SCN9A: variants seen among roughly 807,000 people sequenced by gnomAD.
SCN9A encodes the protein sodium channel protein type 9 subunit alpha.
A neutral mutation model predicts 187.0 loss-of-function variants in SCN9A; 131 were observed. That is an observed-to-expected ratio of 0.70 (90% CI 0.61 to 0.81). The LOEUF is 0.81. Among genes scored for constraint, SCN9A ranks in the 30% least tolerant of loss-of-function variants. SCN9A has a pLI of 0.00. For synonymous variants in SCN9A, 809 were observed against 808.6 expected (o/e 1.00, Z -0.01); for missense variants, 2,252 against 2,396.6 (o/e 0.94, Z 1.26).
At position 166,200,199 on chromosome 2, in the gene SCN9A, T is replaced by A. The variant is rs62176597; in HGVS notation, c.4775-335A>T. Among the ~76,000 whole-genome samples the A allele has an allele frequency of 8.7e-3, 1,299 of 149,516 alleles. 17 individuals are homozygous for A. Among genetic ancestry groups the A allele is most frequent in the African/African-American group, 0.03 (1,227 of 40,498 alleles). ...TTTTTAGTAGAGACGGGGTTTCACC[T>A]TGTTAGCCAGGATGGTCTCGATCTC... is the stretch of plus-strand genomic sequence containing the variant. On this transcript the variant is annotated intron_variant, in intron 26 of 26. Coordinates refer to ENST00000642356, the MANE Select transcript of SCN9A (RefSeq NM_001365536.1).
intron 17 of SCN9A, among the ~76,000 whole-genome samples, chr2:166,265,407 T>C (rs1696689584): frequency 6.6e-6 from 1 of 151,990 alleles, no homozygotes; most frequent in Non-Finnish European, 1.5e-5. Flanking sequence ...CTGAATGGCG[T>C]TCAATTTTTC....
At chr2:166,239,367 C>T (rs528864792) in intron 19 of SCN9A, among the ~76,000 whole-genome samples, 3 of 152,212 alleles carry the variant, frequency 2.0e-5, no homozygotes, top group Admixed American at 6.5e-5. Context: ...CTGTATCCTT[C>T]GTGGTTAATA....
At chr2:166,325,353 A>G (rs1034701067) in intron 1 of SCN9A, among the ~76,000 whole-genome samples, 1 of 152,158 alleles carries the variant, frequency 6.6e-6, no homozygotes, top group African/African-American at 2.4e-5. Context: ...GCTTTGATCA[A>G]TAGGAGATCC....
In SCN9A at chr2:166,331,756, T is replaced by C. The variant is rs562590653; in HGVS notation, c.-50-19950A>G. On this transcript the variant is annotated intron_variant, in intron 1 of 26. Coordinates refer to ENST00000642356, the MANE Select transcript of SCN9A (RefSeq NM_001365536.1). ...TATGACAAAACTTTGTTATAGTTCA[T>C]TGCTCAATGTTAATATAATTTCTGT... Among the ~76,000 whole-genome samples, 248 of 152,346 alleles carry C rather than the reference T, an allele frequency of 1.6e-3. 1 individual carries two copies. Among genetic ancestry groups the C allele is most frequent in the African/African-American group, 5.8e-3 (243 of 41,598 alleles).
chr2:166,366,840 A>G (rs1700428303), intron 1 of SCN9A, among the ~76,000 whole-genome samples: 1 of 152,222 alleles, frequency 6.6e-6, no homozygotes, highest in Admixed American at 6.5e-5. Context: ...AAAGTACAGT[A>G]TCTAAGTGGA....
chr2:166,195,626 A>C lies in SCN9A; in HGVS notation c.*3046T>G, dbSNP rs1693224364. 6.6e-6 allele frequency: 1 copy of C among 152,198 alleles called. No homozygotes were observed. The highest frequency in any genetic ancestry group is 6.5e-5 in the Admixed American group (1 of 15,276). 9.4% of individuals were successfully genotyped at this position (152,198 alleles called of 1,614,324 possible). The stretch of plus-strand genomic sequence containing the variant: ...ATCAAAACTCTATAAAATCATGCTA[A>C]GTATTTTGGGTTGTGATGTTCAACA... On this transcript the variant is annotated 3_prime_UTR_variant, in exon 27 of 27. Coordinates refer to ENST00000642356, the MANE Select transcript of SCN9A (RefSeq NM_001365536.1).
At chr2:166,303,921 G>A (rs1698664374) in intron 6 of SCN9A, 11 of 1,122,172 alleles carry the variant, frequency 9.8e-6, no homozygotes, top group Non-Finnish European at 1.4e-5. Context: ...GATAATGATT[G>A]TGGAAAACAG....
At position 166,311,483 on chromosome 2, in the gene SCN9A, G is replaced by A. The variant is rs201205411; in HGVS notation, c.258+16C>T. ...AAGCCAACAGAAACTGACCACTGAA[G>A]TCAAAATAAACTCACCTTTTTGTCT... On this transcript the variant is annotated intron_variant, in intron 2 of 26. Coordinates refer to ENST00000642356, the MANE Select transcript of SCN9A (RefSeq NM_001365536.1). 3.3e-6 allele frequency: 5 copies of A among 1,505,104 alleles called. No homozygotes were observed. Among genetic ancestry groups the A allele is most frequent in the Non-Finnish European group, 4.5e-6 (5 of 1,122,628 alleles). The allele number at this position is 1,505,104 out of a possible 1,614,324, so 93.2% of individuals were successfully genotyped here.
intron 1 of SCN9A, among the ~76,000 whole-genome samples, chr2:166,367,989 G>A (rs1700459200): frequency 6.6e-6 from 1 of 152,152 alleles, no homozygotes; most frequent in South Asian, 2.1e-4. Flanking sequence ...GCTCCATTAA[G>A]GGTTAAACAT....
At chr2:166,326,378 T>C (rs988056863) in intron 1 of SCN9A, among the ~76,000 whole-genome samples, 3 of 152,190 alleles carry the variant, frequency 2.0e-5, no homozygotes, top group Non-Finnish European at 4.4e-5. Context: ...TATAAGGGTA[T>C]CTCAGTATTT....
chr2:166,338,437 T>C (rs1479547815), intron 1 of SCN9A, among the ~76,000 whole-genome samples: 2 of 152,236 alleles, frequency 1.3e-5, no homozygotes, highest in Admixed American at 6.6e-5. Flanking sequence ...AACAGTTCTA[T>C]ACTTATGCTA....
chr2:166,304,407 T>G, intron 5 of SCN9A, 78 bp from the exon 6 acceptor site: 2 of 1,272,530 alleles, frequency 1.6e-6, no homozygotes, highest in Non-Finnish European at 2.2e-6. Flanking sequence ...CAAGGTATTT[T>G]CTACGTTTGG....
At position 166,271,340 on chromosome 2, in the gene SCN9A, G is replaced by A. The variant is rs538817743; in HGVS notation, c.3351+1059C>T. On this transcript the variant is annotated intron_variant, in intron 17 of 26. Transcript: ENST00000642356. ...ATTCATTTAACCCTGACCCAACTGC[G>A]ATTTAAGTATTAACAATTTAATAGA... 5.9e-5 allele frequency among the ~76,000 whole-genome samples: 9 copies of A among 152,200 alleles called. No individual in the cohort carries two copies. The South Asian group carries it at 1.0e-3, about 18-fold the overall frequency.
chr2:166,213,117 G>A (rs1265204476), intron 24 of SCN9A, among the ~76,000 whole-genome samples: 1 of 151,782 alleles, frequency 6.6e-6, no homozygotes, highest in Non-Finnish European at 1.5e-5. Flanking sequence ...GCAAAAGGAA[G>A]GAAATAATAA....
At chr2:166,331,169 T>C (rs1699494042) in intron 1 of SCN9A, among the ~76,000 whole-genome samples, 1 of 152,324 alleles carries the variant, frequency 6.6e-6, no homozygotes, top group Non-Finnish European at 1.5e-5. Flanking sequence ...CACATTTCTT[T>C]AGGACTTCCC....
At chr2:166,354,963 A>G (rs777290815) in intron 1 of SCN9A, among the ~76,000 whole-genome samples, 4 of 152,052 alleles carry the variant, frequency 2.6e-5, no homozygotes, top group Non-Finnish European at 5.9e-5. Flanking sequence ...TTTTTTAAAG[A>G]GACAATGTCT....
intron 20 of SCN9A, among the ~76,000 whole-genome samples, chr2:166,236,085 TATTTACAGTTTAAGAGAAAAG>T (rs940204082): frequency 6.6e-6 from 1 of 152,094 alleles, no homozygotes; most frequent in Non-Finnish European, 1.5e-5. Context: ...GACCCCGTCA[TATTTACAGTTTAAGAGAAAAG>T]AAAATCTACA....
Position 166,198,063 on chromosome 2 carries a change from T to G in SCN9A, c.*609A>C, listed in dbSNP as rs1208731706. 1 of 152,258 alleles carries G rather than the reference T, an allele frequency of 6.6e-6. No individual in the cohort carries two copies. The highest frequency in any genetic ancestry group is 2.1e-4 in the South Asian group (1 of 4,838). The allele number at this position is 152,258 out of a possible 1,614,324, so 9.4% of individuals were successfully genotyped here. ...TAGAAATGAATAGCCTACATATATT[T>G]TTAATCCCATGGCATTTTATAGGCA... On this transcript the variant is annotated 3_prime_UTR_variant, in exon 27 of 27. Coordinates refer to ENST00000642356, the MANE Select transcript of SCN9A (RefSeq NM_001365536.1).
intron 21 of SCN9A, among the ~76,000 whole-genome samples, chr2:166,230,861 G>A (rs1264813184): frequency 6.6e-6 from 1 of 152,044 alleles, no homozygotes; most frequent in African/African-American, 2.4e-5. Flanking sequence ...ATGGGTCTCT[G>A]AGAAAGACAG....
Sources: allele counts gnomAD v4.1 joint callset (sites outside exome capture counted in the v4.1 genomes callset), GRCh38; gene constraint gnomAD v4.1.1; transcripts MANE v1.5; gene names NCBI Gene and HGNC (gene_info 2026-07-23, HGNC 2026-07-21).